VPS13B: variants seen among roughly 807,000 people sequenced by gnomAD.
The protein encoded by VPS13B is intermembrane lipid transfer protein VPS13B.
A neutral mutation model predicts 426.4 loss-of-function variants in VPS13B; 285 were observed. That is an observed-to-expected ratio of 0.67 (90% confidence interval 0.61 to 0.74). The LOEUF is 0.74. VPS13B is among the 30% of genes least tolerant of loss of function. The probability of loss-of-function intolerance (pLI) is 0.00; values close to 1 mark genes in which losing one functional copy is unlikely to be tolerated. For synonymous variants in VPS13B, 1,676 were observed against 1,676.4 expected (o/e 1.00, Z 0.01); for missense variants, 4,537 against 4,782.6 (o/e 0.95, Z 1.51).
At chr8:99,771,621 C>G (rs1190427938) in intron 40 of VPS13B, among the ~76,000 whole-genome samples, 1 of 152,124 alleles carries the variant, frequency 6.6e-6, no homozygotes, top group Non-Finnish European at 1.5e-5. Flanking sequence ...TGTATATAGA[C>G]AGTGGAGGAA....
chr8:99,751,221 T>G (rs1810378869), intron 39 of VPS13B, among the ~76,000 whole-genome samples: 1 of 152,182 alleles, frequency 6.6e-6, no homozygotes, highest in Non-Finnish European at 1.5e-5. Flanking sequence ...TCCTGTTATC[T>G]GCCTATAAAT....
intron 19 of VPS13B, among the ~76,000 whole-genome samples, chr8:99,297,274 A>T (rs1279057039): frequency 6.6e-6 from 1 of 152,040 alleles, no homozygotes. Context: ...GCCCTTTTTG[A>T]GATGCGCATA....
At chr8:99,013,705 C>G (rs1274955016) in intron 1 of VPS13B, 55 bp from the exon 2 acceptor site, 1 of 1,546,946 alleles carries the variant, frequency 6.5e-7, no homozygotes, top group African/African-American at 1.4e-5. Context: ...AGATAACGAA[C>G]GCTCTTTCCT....
At chr8:99,292,880 C>A (rs1271032650) in intron 19 of VPS13B, among the ~76,000 whole-genome samples, 1 of 152,104 alleles carries the variant, frequency 6.6e-6, no homozygotes, top group Non-Finnish European at 1.5e-5. Flanking sequence ...ACACACAATG[C>A]AACTAATTAT....
At chr8:99,499,539 A>T (rs1220440050) in intron 25 of VPS13B, among the ~76,000 whole-genome samples, 1 of 152,122 alleles carries the variant, frequency 6.6e-6, no homozygotes, top group Non-Finnish European at 1.5e-5. Context: ...GAAAGGCTAT[A>T]TATATTGCCT....
At chr8:99,143,231 T>G (rs1437844089) in intron 13 of VPS13B, 66 bp downstream of exon 13, 1 of 1,600,000 alleles carries the variant, frequency 6.3e-7, no homozygotes, top group African/African-American at 1.3e-5. Flanking sequence ...TAATCCAATT[T>G]GTGTTGTCTT....
At chr8:99,040,783 T>TA (rs981155073) in intron 3 of VPS13B, among the ~76,000 whole-genome samples, 19 of 152,022 alleles carry the variant, frequency 1.2e-4, no homozygotes, top group African/African-American at 2.9e-4. Context: ...ATGAATCTGT[T>TA]AAAAAAAACT....
chr8:99,796,363 C>G (rs376838762), intron 43 of VPS13B, among the ~76,000 whole-genome samples: 1 of 147,550 alleles, frequency 6.8e-6, no homozygotes, highest in Admixed American at 6.7e-5. Context: ...TTTTTTTTGT[C>G]TTAATTATGT....
chr8:99,497,953 T>A (rs911776111), intron 25 of VPS13B, among the ~76,000 whole-genome samples: 5 of 152,128 alleles, frequency 3.3e-5, no homozygotes, highest in Non-Finnish European at 7.4e-5. Flanking sequence ...TAAACTATCA[T>A]CTTATTTGAA....
chr8:99,040,945 G>T (rs1842940982), intron 3 of VPS13B, among the ~76,000 whole-genome samples: 1 of 152,150 alleles, frequency 6.6e-6, no homozygotes. Flanking sequence ...ACCAACATTT[G>T]TTGGTTGTCT....
intron 33 of VPS13B, among the ~76,000 whole-genome samples, chr8:99,624,067 A>G (rs1310467983): frequency 7.0e-6 from 1 of 143,012 alleles, no homozygotes; most frequent in Non-Finnish European, 1.5e-5. Flanking sequence ...CCAATAGCAA[A>G]TGAACTAACT....
At chr8:99,420,771 T>A (rs1411722008) in intron 21 of VPS13B, among the ~76,000 whole-genome samples, 2 of 152,166 alleles carry the variant, frequency 1.3e-5, no homozygotes, top group East Asian at 3.8e-4. Flanking sequence ...TAAGTCAGAA[T>A]TCTGCCAGGC....
intron 19 of VPS13B, among the ~76,000 whole-genome samples, chr8:99,310,358 T>C (rs1213636395): frequency 6.6e-6 from 1 of 152,238 alleles, no homozygotes; most frequent in Non-Finnish European, 1.5e-5. Context: ...ATACGTCCCA[T>C]CAATACCGAA....
intron 3 of VPS13B, among the ~76,000 whole-genome samples, chr8:99,061,776 C>T (rs1844203288): frequency 6.6e-6 from 1 of 152,108 alleles, no homozygotes; most frequent in Non-Finnish European, 1.5e-5. Context: ...ACAGTATGCT[C>T]CTCTTCATGT....
intron 25 of VPS13B, among the ~76,000 whole-genome samples, chr8:99,489,938 A>T (rs764031859): frequency 2.0e-5 from 3 of 152,108 alleles, no homozygotes; most frequent in Non-Finnish European, 2.9e-5. Flanking sequence ...TTCCAACACT[A>T]TATTGATTAG....
chr8:99,330,226 C>A (rs1443592140), intron 19 of VPS13B, among the ~76,000 whole-genome samples: 1 of 151,570 alleles, frequency 6.6e-6, no homozygotes, highest in East Asian at 1.9e-4. Flanking sequence ...GTTAAAGTAC[C>A]CCTTATTAAA....
Position 99,520,943 on chromosome 8 carries a change from T to C in VPS13B, c.4678T>C (p.Ser1560Pro). 1 of 1,613,882 alleles carries C rather than the reference T, an allele frequency of 6.2e-7. No homozygotes were observed. Among genetic ancestry groups the C allele is most frequent in the Non-Finnish European group, 8.5e-7 (1 of 1,179,780 alleles). The change falls in exon 30 of 62, where the codon TCT becomes CCT. Residue 1560 changes from serine (S) to proline (P), a missense_variant. Coordinates refer to ENST00000357162, the MANE Select transcript of VPS13B (RefSeq NM_152564.5). ...AGACACTGTGGTTTTGAAGATTGGC[T>C]CTGTTGCCATGGCTCCCCAGGCTGA... ...KEDTVVLKIG[S>P]VAMAPQADNP...
chr8:99,579,833 G>C (rs551493503), intron 33 of VPS13B, among the ~76,000 whole-genome samples: 3 of 152,046 alleles, frequency 2.0e-5, no homozygotes, highest in Non-Finnish European at 4.4e-5. Context: ...GGGTTGCTGG[G>C]ATTACAGGTG....
intron 30 of VPS13B, among the ~76,000 whole-genome samples, chr8:99,525,687 C>T (rs1822605070): frequency 6.6e-6 from 1 of 152,168 alleles, no homozygotes; most frequent in Non-Finnish European, 1.5e-5. Flanking sequence ...AATCCCTGCT[C>T]TCACAGAACT....
Sources: allele counts gnomAD v4.1 joint callset (sites outside exome capture counted in the v4.1 genomes callset), GRCh38; gene constraint gnomAD v4.1.1; transcripts MANE v1.5; gene names NCBI Gene and HGNC (gene_info 2026-07-23, HGNC 2026-07-21).